The following PCDH9 variants were observed in gnomAD, a reference collection of about 807,000 sequenced individuals.
PCDH9 encodes protocadherin-9.
A neutral mutation model predicts 70.6 loss-of-function variants in PCDH9; 24 were observed. That is an observed-to-expected ratio of 0.34 (90% confidence interval 0.25 to 0.48). PCDH9 has a LOEUF of 0.48. PCDH9 is among the 20% of genes least tolerant of loss of function. PCDH9 has a pLI of 0.99. For missense variants in PCDH9, 1,281 were observed against 1,503.6 expected (o/e 0.85, Z 2.45); for synonymous variants, 562 against 558.5 (o/e 1.01, Z -0.09).
intron 3 of PCDH9, among the ~76,000 whole-genome samples, chr13:66,784,978 A>G (rs1042535198): frequency 6.6e-6 from 1 of 151,906 alleles, no homozygotes; most frequent in Non-Finnish European, 1.5e-5. Flanking sequence ...CTTCCCTTTT[A>G]TTTTGGAAAG....
At chr13:66,978,154 T>C (rs948948418) in intron 2 of PCDH9, among the ~76,000 whole-genome samples, 1 of 152,178 alleles carries the variant, frequency 6.6e-6, no homozygotes, top group Non-Finnish European at 1.5e-5. Context: ...TGTTATTGTC[T>C]TGCATTTTAA....
At chr13:66,816,459 C>A (rs1165763734) in intron 3 of PCDH9, among the ~76,000 whole-genome samples, 1 of 152,174 alleles carries the variant, frequency 6.6e-6, no homozygotes, top group African/African-American at 2.4e-5. Flanking sequence ...CCTCCCCCCA[C>A]ACACACTCAC....
chr13:66,817,080 T>C (rs1002013855), intron 3 of PCDH9, among the ~76,000 whole-genome samples: 2 of 151,974 alleles, frequency 1.3e-5, no homozygotes, highest in Non-Finnish European at 2.9e-5. Flanking sequence ...TTGCATAGCA[T>C]GTACATTGTA....
intron 3 of PCDH9, among the ~76,000 whole-genome samples, chr13:66,632,948 T>C (rs1442220183): frequency 6.6e-6 from 1 of 152,128 alleles, no homozygotes; most frequent in Non-Finnish European, 1.5e-5. Flanking sequence ...AGACAATTTA[T>C]AGATTGTATC....
intron 4 of PCDH9, among the ~76,000 whole-genome samples, chr13:66,615,401 A>G (rs1396961661): frequency 6.6e-6 from 1 of 152,232 alleles, no homozygotes; most frequent in East Asian, 1.9e-4. Flanking sequence ...GCTATCAATC[A>G]TAATTAAAGT....
chr13:66,770,084 T>C lies in PCDH9; in HGVS notation c.3138+133420A>G, dbSNP rs1366537122. ...CTTTATTTACACTGGGAAATAGGGT[T>C]GCATGCATATTTTAATAGTGAAGAG... is the stretch of plus-strand genomic sequence containing the variant. On this transcript the variant is annotated intron_variant, in intron 3 of 4. Coordinates refer to ENST00000377865, the MANE Select transcript of PCDH9 (RefSeq NM_203487.3). Among the ~76,000 whole-genome samples, 15 of 152,298 alleles carry C rather than the reference T, an allele frequency of 9.8e-5. No individual in the cohort carries two copies. The East Asian group carries it at 2.9e-3, about 29-fold the overall frequency.
intron 2 of PCDH9, among the ~76,000 whole-genome samples, chr13:67,174,299 A>G (rs1202951726): frequency 6.8e-6 from 1 of 147,788 alleles, no homozygotes; most frequent in Non-Finnish European, 1.5e-5. Context: ...CAGATGATAG[A>G]TAGATAGATA....
At chr13:66,507,151 G>A (rs1021532943) in intron 4 of PCDH9, among the ~76,000 whole-genome samples, 1 of 152,132 alleles carries the variant, frequency 6.6e-6, no homozygotes, top group African/African-American at 2.4e-5. Flanking sequence ...ATTATTCTCT[G>A]TTGATTGCCT....
At chr13:66,460,837 C>T (rs149236530) in intron 4 of PCDH9, among the ~76,000 whole-genome samples, 8 of 151,952 alleles carry the variant, frequency 5.3e-5, no homozygotes, top group Non-Finnish European at 1.2e-4. Flanking sequence ...TGACATCCCA[C>T]CCTAATCATT....
intron 4 of PCDH9, among the ~76,000 whole-genome samples, chr13:66,538,373 A>C (rs959686626): frequency 2.0e-5 from 3 of 152,182 alleles, no homozygotes; most frequent in Non-Finnish European, 2.9e-5. Context: ...CGAGGAAATT[A>C]TTTCACAAGA....
In PCDH9 at chr13:67,059,285, C is replaced by G. The variant is rs372731155; in HGVS notation, c.3037-155680G>C. On this transcript the variant is annotated intron_variant, in intron 2 of 4. Transcript: ENST00000377865. ...GGACAAAGCACAAAGTTCATGATCT[C>G]GTGAATCTGACATTTCAATGGCGAG... Among the ~76,000 whole-genome samples, 3 of 148,730 alleles carry G rather than the reference C, an allele frequency of 2.0e-5. No homozygotes were observed. The East Asian group carries it at 5.9e-4, about 29-fold the overall frequency.
In PCDH9 at chr13:67,213,206, C is replaced by CAAAAAAAAAAAAAAAAAAAAAAAAAA. The variant is rs34813503; in HGVS notation, c.3036+12173_3036+12198dup. On this transcript the variant is annotated intron_variant, in intron 2 of 4. Transcript: ENST00000377865. The stretch of plus-strand genomic sequence containing the variant: ...AGCCTGGACGACAGAGACTCCGTCA[C>CAAAAAAAAAAAAAAAAAAAAAAAAAA]AAAAAAAAAAAAAAAAAAAAAAAAA... The CAAAAAAAAAAAAAAAAAAAAAAAAAA allele has an allele frequency of 2.4e-4, 5 of 20,544 alleles. 1 individual carries two copies. The highest frequency in any genetic ancestry group is 2.7e-3 in the South Asian group (1 of 374). The allele number at this position is 20,544 out of a possible 1,614,324, so 1.3% of individuals were successfully genotyped here.
At chr13:67,037,042 A>G (rs7983216) in intron 2 of PCDH9, among the ~76,000 whole-genome samples, 30,829 of 152,092 alleles carry the variant, frequency 0.2, 3,414 homozygotes, top group African/African-American at 0.27. Context: ...TGGAGGATCT[A>G]GTTTTCAGAT....
At chr13:66,622,039 G>A (rs1331713219) in intron 4 of PCDH9, among the ~76,000 whole-genome samples, 5 of 152,212 alleles carry the variant, frequency 3.3e-5, no homozygotes, top group Admixed American at 1.3e-4. Flanking sequence ...CCCCGCACTC[G>A]GAGCAGCCGG....
chr13:67,178,745 C>G (rs772825801), intron 2 of PCDH9, among the ~76,000 whole-genome samples: 71 of 152,186 alleles, frequency 4.7e-4, no homozygotes, highest in Non-Finnish European at 9.3e-4. Flanking sequence ...TAGATCTCAT[C>G]TTAAACATGT....
intron 3 of PCDH9, among the ~76,000 whole-genome samples, chr13:66,884,809 A>G (rs2081981618): frequency 6.6e-6 from 1 of 152,182 alleles, no homozygotes; most frequent in African/African-American, 2.4e-5. Flanking sequence ...TACTGCATGA[A>G]AGAGAAATTT....
intron 2 of PCDH9, among the ~76,000 whole-genome samples, chr13:66,905,167 G>A (rs892372238): frequency 1.3e-5 from 2 of 151,558 alleles, no homozygotes; most frequent in Non-Finnish European, 2.9e-5. Context: ...AGGCTTCACA[G>A]CAGCTTTTTT....
chr13:66,902,602 CCT>C (rs2082294374), intron 3 of PCDH9, among the ~76,000 whole-genome samples: 1 of 151,402 alleles, frequency 6.6e-6, no homozygotes, highest in African/African-American at 2.4e-5. Context: ...ACATGCATTA[CCT>C]CTCTTTCTAC....
At chr13:66,386,806 A>G (rs370851609) in intron 4 of PCDH9, among the ~76,000 whole-genome samples, 4 of 152,182 alleles carry the variant, frequency 2.6e-5, no homozygotes, top group African/African-American at 7.2e-5. Context: ...AAAATACCAG[A>G]CAGAGAACTA....
Sources: gnomAD v4.1 joint callset for allele counts (sites outside exome capture counted in the v4.1 genomes callset) on GRCh38, gnomAD v4.1.1 for gene constraint, MANE v1.5 for transcripts, NCBI Gene and HGNC (gene_info 2026-07-23, HGNC 2026-07-21) for gene names.